Variants in HIF1A observed in about 807,000 individuals in gnomAD.
HIF1A encodes hypoxia-inducible factor 1-alpha.
HIF1A carries 24 observed loss-of-function variants against 92.7 expected under a neutral mutation model. The observed-to-expected ratio is 0.26, with a 90% confidence interval of 0.19 to 0.36. The LOEUF (loss-of-function observed/expected upper bound fraction) is 0.36, where lower values mean the gene tolerates loss of function less well. Ranked by LOEUF, HIF1A falls within the 10% of genes least tolerant of loss-of-function variation. The pLI is 1.00. For synonymous variants in HIF1A, 319 were observed against 338.7 expected, an observed-to-expected ratio of 0.94 and a Z score of 0.64; for missense variants, 799 against 998.5, an observed-to-expected ratio of 0.80 and a Z score of 2.69.
intron 1 of HIF1A, among the ~76,000 whole-genome samples, chr14:61,696,381 C>T (rs1471332734): frequency 6.6e-6 from 1 of 152,210 alleles, no homozygotes; most frequent in African/African-American, 2.4e-5. Context: ...CTCGCGTGGT[C>T]GGATGCGATC....
chr14:61,735,123 C>G (rs2140150426), intron 8 of HIF1A, among the ~76,000 whole-genome samples: 1 of 152,326 alleles, frequency 6.6e-6, no homozygotes, highest in East Asian at 1.9e-4. Flanking sequence ...TTGCCCATTA[C>G]TACCAGGCTA....
At chr14:61,742,113 T>C (rs1285808743) in intron 12 of HIF1A, among the ~76,000 whole-genome samples, 2 of 152,232 alleles carry the variant, frequency 1.3e-5, no homozygotes. Flanking sequence ...GCATGAATTG[T>C]TACTTCTATG....
Position 61,695,706 on chromosome 14 carries a change from C to G in HIF1A, c.-99C>G, listed in dbSNP as rs1167421991. 68 of 1,352,974 alleles carry G rather than the reference C, an allele frequency of 5.0e-5. No homozygotes were observed. The East Asian group carries it at 1.7e-3, about 33-fold the overall frequency. The allele number at this position is 1,352,974 out of a possible 1,614,324, so 83.8% of individuals were successfully genotyped here. A position where few individuals can be genotyped will look rare whatever the true frequency, so the allele number is the denominator to read the frequency against. ...CCTCGCACCCCCACCTCTGGACTTG[C>G]CTTTCCTTCTCTTCTCCGCGTGTGG... is the stretch of plus-strand genomic sequence containing the variant. On this transcript the variant is annotated 5_prime_UTR_variant, in exon 1 of 15. Transcript: ENST00000337138.
chr14:61,698,846 T>C (rs188964161), intron 1 of HIF1A: 1 of 152,350 alleles, frequency 6.6e-6, no homozygotes, highest in African/African-American at 2.4e-5. Context: ...AATAGAATAC[T>C]GAGTTTACTC....
At position 61,740,748 on chromosome 14, in the gene HIF1A, T is replaced by C. The variant is rs748818391; in HGVS notation, c.1660-7T>C. The stretch of plus-strand genomic sequence containing the variant: ...TTGTAAAAACTCATGTATTTGCTGT[T>C]TTAAAGGACACAGATTTAGACTTGG... On this transcript the variant is annotated splice_polypyrimidine_tract_variant and splice_region_variant and intron_variant, in intron 11 of 14. Coordinates refer to ENST00000337138, the MANE Select transcript of HIF1A (RefSeq NM_001530.4). 1 of 1,603,438 alleles carries C rather than the reference T, an allele frequency of 6.2e-7. No homozygotes were observed. Among genetic ancestry groups the C allele is most frequent in the Non-Finnish European group, 8.5e-7 (1 of 1,174,908 alleles).
intron 1 of HIF1A, among the ~76,000 whole-genome samples, chr14:61,707,532 T>C (rs2044254100): frequency 6.7e-6 from 1 of 149,658 alleles, no homozygotes; most frequent in Non-Finnish European, 1.5e-5. Context: ...GTTCAGTTCC[T>C]ACCTATGAGT....
At chr14:61,715,236 G>A (rs10129270) in intron 1 of HIF1A, among the ~76,000 whole-genome samples, 24,028 of 152,086 alleles carry the variant, frequency 0.16, 3,288 homozygotes, top group African/African-American at 0.38. Flanking sequence ...AAGAGCTGCT[G>A]GACAGTAGAG....
At chr14:61,735,375 A>C (rs183020565) in intron 8 of HIF1A, among the ~76,000 whole-genome samples, 4 of 152,210 alleles carry the variant, frequency 2.6e-5, no homozygotes, top group Non-Finnish European at 5.9e-5. Flanking sequence ...AGTGCCACAG[A>C]GTTCTTTTGT....
chr14:61,741,084 A>G lies in HIF1A; in HGVS notation c.1989A>G (p.Gln663=). 3 of 1,614,102 alleles carry G rather than the reference A, an allele frequency of 1.9e-6. No individual in the cohort carries two copies. The highest frequency in any genetic ancestry group is 2.5e-6 in the Non-Finnish European group (3 of 1,179,904). ...CATCATCACCATATAGAGATACTCAAAGTCGGACAGCCTCACCAAACAGAG... is the reference window on the plus strand; with the variant it reads ...CATCATCACCATATAGAGATACTCAGAGTCGGACAGCCTCACCAAACAGAG... ...SATSSPYRDT[Q]SRTASPNRAG... is the part of the protein sequence containing the mutation. The change falls in exon 12 of 15, where the codon CAA becomes CAG. Residue 663 remains glutamine, a synonymous_variant. Transcript: ENST00000337138.
At chr14:61,702,887 A>C (rs1456338211) in intron 1 of HIF1A, among the ~76,000 whole-genome samples, 3 of 152,220 alleles carry the variant, frequency 2.0e-5, no homozygotes, top group Non-Finnish European at 4.4e-5. Context: ...TACTGTTTTT[A>C]ACCTGCTTTT....
At chr14:61,698,498 C>G (rs951992695) in intron 1 of HIF1A, among the ~76,000 whole-genome samples, 1 of 152,208 alleles carries the variant, frequency 6.6e-6, no homozygotes, top group Non-Finnish European at 1.5e-5. Flanking sequence ...TTGCAGGAGT[C>G]TTGATGACAC....
chr14:61,714,901 G>GC (rs1337114145), intron 1 of HIF1A, among the ~76,000 whole-genome samples: 1 of 152,088 alleles, frequency 6.6e-6, no homozygotes, highest in Non-Finnish European at 1.5e-5. Flanking sequence ...GGGCGTGGTG[G>GC]CACACGCCTG....
chr14:61,744,300 A>G (rs2044749553), intron 12 of HIF1A, among the ~76,000 whole-genome samples: 1 of 152,094 alleles, frequency 6.6e-6, no homozygotes, highest in East Asian at 1.9e-4. Context: ...CAAGGTGGGC[A>G]GATCACTTGC....
intron 4 of HIF1A, 92 bp from the exon 5 acceptor site, chr14:61,726,614 C>A: frequency 1.5e-6 from 1 of 672,924 alleles, no homozygotes; most frequent in Non-Finnish European, 2.5e-6. Context: ...AACGGGTATT[C>A]AGTTGATCTA....
In HIF1A at chr14:61,744,746, C is replaced by G. The variant is rs758643931; in HGVS notation, c.2135C>G (p.Ala712Gly). ...PEEELNPKIL[A>G]LQNAQRKRKM... ...GAAGAACTAAATCCAAAGATACTAG[C>G]TTTGCAGAATGCTCAGAGAAAGCGA... The change falls in exon 13 of 15, where the codon GCT (alanine) becomes GGT (glycine). Residue 712 changes from alanine to glycine, a missense_variant. This residue lies in a region of HIF1A where 283 missense variants were observed against 277.5 expected (regional missense o/e 1.02). Coordinates refer to ENST00000337138, the MANE Select transcript of HIF1A (RefSeq NM_001530.4). 3 of 1,598,594 alleles carry G rather than the reference C, an allele frequency of 1.9e-6. No homozygotes were observed. Among genetic ancestry groups the G allele is most frequent in the Admixed American group, 3.4e-5 (2 of 59,328 alleles).
intron 13 of HIF1A, 185 bp from the exon 14 acceptor site, chr14:61,745,506 A>G (rs553559453): frequency 1.6e-5 from 10 of 614,768 alleles, no homozygotes; most frequent in Admixed American, 2.9e-5. Context: ...AATTAACTGG[A>G]AAGTATTTAT....
rs752265561 is a variant in HIF1A at position 61,748,190 on chromosome 14, C to G, written c.*1105C>G. On this transcript the variant is annotated 3_prime_UTR_variant, in exon 15 of 15. Transcript: ENST00000337138. The stretch of plus-strand genomic sequence containing the variant: ...GTACAAATTTTTCATTCCTTTTGCT[C>G]TTTGTGGTTGGATCTAACACTAACT... The G allele has an allele frequency of 3.9e-5, 6 of 152,340 alleles. No individual in the cohort carries two copies. Among genetic ancestry groups the G allele is most frequent in the Non-Finnish European group, 8.8e-5 (6 of 67,908 alleles). The allele number at this position is 152,340 out of a possible 1,614,324, so 9.4% of individuals were successfully genotyped here.
intron 8 of HIF1A, among the ~76,000 whole-genome samples, chr14:61,735,959 ACTCTT>A (rs1318548150): frequency 6.0e-5 from 9 of 149,186 alleles, no homozygotes; most frequent in Admixed American, 6.0e-4. Context: ...TGCCATTACT[ACTCTT>A]CTCAAAGGAT....
rs761540947 is a variant in HIF1A, at chr14:61,741,067, C to A, written c.1972C>A (p.Pro658Thr). Residue 658 changes from proline to threonine, a missense_variant, in exon 12 of 15, where the codon CCA becomes ACA. By Grantham distance (38) the Pro-to-Thr change is conservative (BLOSUM62 -1). Around this residue, in one of 2 missense-constraint regions of HIF1A, gnomAD observed 283 missense variants for 277.5 expected, o/e 1.02. Coordinates refer to ENST00000337138, the MANE Select transcript of HIF1A (RefSeq NM_001530.4). ...AGAAACTACTAGTGCCACATCATCA[C>A]CATATAGAGATACTCAAAGTCGGAC... is the stretch of plus-strand genomic sequence containing the variant. ...HKETTSATSS[P>T]YRDTQSRTAS... 5 of 1,613,772 alleles carry A rather than the reference C, an allele frequency of 3.1e-6. No homozygotes were observed. The South Asian group carries it at 5.5e-5, about 18-fold the overall frequency.
Sources: gnomAD v4.1 joint callset for allele counts (sites outside exome capture counted in the v4.1 genomes callset) on GRCh38, gnomAD v4.1.1 for gene constraint, gnomAD v4.1.1 regional missense constraint, MANE v1.5 for transcripts, NCBI Gene and HGNC (gene_info 2026-07-23, HGNC 2026-07-21) for gene names.